HMGCLL1: variants seen among roughly 807,000 people sequenced by gnomAD.
HMGCLL1 encodes 3-hydroxymethyl-3-methylglutaryl-CoA lyase, cytoplasmic.
Under a neutral mutation model 39.1 loss-of-function variants are expected in HMGCLL1, and 36 were observed. The observed-to-expected ratio is 0.92, with a 90% CI of 0.71 to 1.22. The LOEUF is 1.22. HMGCLL1 is among the 50% of genes most tolerant of loss of function. The pLI is 0.00. For missense variants in HMGCLL1, 451 were observed against 416.5 expected (o/e 1.08, Z -0.72); for synonymous variants, 149 against 144.0 (o/e 1.03, Z -0.25).
rs753957303 is a variant in HMGCLL1, at chr6:55,539,940, AGAAGGAAGGAAGGAAGGAAGGAAGGAAG to A, written c.297+1761_297+1788del. Reference sequence around the variant, plus strand: ...AAAGAAAAGGAGGATGAGGAGGAGGAGAAGGAAGGAAGGAAGGAAGGAAGGAAGGAAGGAAGGAAGGAAGGAAGGAAGG... The same window carrying A: ...AAAGAAAAGGAGGATGAGGAGGAGGAGAAGGAAGGAAGGAAGGAAGGAAGG... On this transcript the variant is annotated intron_variant, in intron 3 of 8. Transcript: ENST00000274901. 9.0e-3 allele frequency among the ~76,000 whole-genome samples: 514 copies of A among 57,092 alleles called. 6 individuals carry two copies. Among genetic ancestry groups the A allele is most frequent in the Non-Finnish European group, 0.015 (419 of 27,622 alleles). 37.5% of individuals were successfully genotyped at this position (57,092 alleles called of 152,430 possible). A position where few individuals can be genotyped will look rare whatever the true frequency, so the allele number is the denominator to read the frequency against.
chr6:55,654,254 T>C, the HMGCLL1 span, among the ~76,000 whole-genome samples: 1 of 151,690 alleles, frequency 6.6e-6, no homozygotes, highest in Non-Finnish European at 1.5e-5. Flanking sequence ...CTGACTGAAT[T>C]TGACTGAATT....
the HMGCLL1 span, among the ~76,000 whole-genome samples, chr6:55,594,559 C>T: frequency 6.6e-6 from 1 of 152,314 alleles, no homozygotes; most frequent in South Asian, 2.1e-4. Flanking sequence ...GGAAAACCAA[C>T]AACAAACCTC....
In HMGCLL1 at chr6:55,579,122, G is replaced by C; in HGVS notation, c.-67C>G. 8.1e-7 allele frequency: 1 copy of C among 1,236,164 alleles called. No individual in the cohort carries two copies. The allele number at this position is 1,236,164 out of a possible 1,614,324, so 76.6% of individuals were successfully genotyped here. A position where few individuals can be genotyped will look rare whatever the true frequency, so the allele number is the denominator to read the frequency against. The stretch of plus-strand genomic sequence containing the variant: ...GAGGAGGATGAGGGGCGGGCACCGC[G>C]CTGGGAAACTGCGCCAGCTCGGGAG... On this transcript the variant is annotated 5_prime_UTR_variant, in exon 1 of 9. Transcript: ENST00000274901.
Position 55,579,034 on chromosome 6 carries a change from C to T in HMGCLL1, c.22G>A (p.Val8Met). MGNVPSA[V>M]KHCLSYQQLL... ...TGCTGGTAGCTGAGGCAGTGCTTCA[C>T]CGCGGATGGCACATTCCCCATGGCG... is the stretch of plus-strand genomic sequence containing the variant. Residue 8 changes from valine (V) to methionine (M), a missense_variant, in exon 1 of 9, where the codon GTG becomes ATG. Coordinates refer to ENST00000274901, the MANE Select transcript of HMGCLL1 (RefSeq NM_001042406.2). The T allele has an allele frequency of 6.2e-7, 1 of 1,612,320 alleles. No individual in the cohort carries two copies. Among genetic ancestry groups the T allele is most frequent in the Non-Finnish European group, 8.5e-7 (1 of 1,179,210 alleles).
intron 7 of HMGCLL1, among the ~76,000 whole-genome samples, chr6:55,481,506 T>C (rs904087540): frequency 2.6e-5 from 4 of 151,978 alleles, no homozygotes; most frequent in Non-Finnish European, 5.9e-5. Flanking sequence ...AAATATCTCA[T>C]GTATCCCATA....
the HMGCLL1 span, among the ~76,000 whole-genome samples, chr6:55,638,407 C>A: frequency 7.5e-6 from 1 of 132,768 alleles, no homozygotes. Context: ...AACTCAGTCT[C>A]AAAAAAAAAA....
chr6:55,447,798 T>C (rs761286019), intron 7 of HMGCLL1, among the ~76,000 whole-genome samples: 5 of 152,136 alleles, frequency 3.3e-5, no homozygotes, highest in Admixed American at 6.6e-5. Flanking sequence ...GCAAGTGATA[T>C]GTCCTGCTTC....
At chr6:55,583,082 T>C (rs1346713875), upstream of HMGCLL1, among the ~76,000 whole-genome samples, 1 of 152,186 alleles carries the variant, frequency 6.6e-6, no homozygotes, top group Non-Finnish European at 1.5e-5. Flanking sequence ...TTTCTCTTTA[T>C]ATTTTTAAAG....
chr6:55,553,504 A>C, intron 1 of HMGCLL1, among the ~76,000 whole-genome samples: 1 of 152,016 alleles, frequency 6.6e-6, no homozygotes, highest in East Asian at 1.9e-4. Flanking sequence ...AGAGACAAAC[A>C]ATCTAGCTCT....
chr6:55,452,955 T>C (rs1197748626), intron 7 of HMGCLL1, among the ~76,000 whole-genome samples: 1 of 152,140 alleles, frequency 6.6e-6, no homozygotes, highest in Non-Finnish European at 1.5e-5. Flanking sequence ...TGAGATGGTT[T>C]GTATATTTTG....
intron 5 of HMGCLL1, among the ~76,000 whole-genome samples, chr6:55,505,735 C>A (rs551188142): frequency 6.6e-6 from 1 of 151,754 alleles, no homozygotes; most frequent in South Asian, 2.1e-4. Context: ...TCTTACTTTA[C>A]ATATAGTTTT....
chr6:55,626,785 C>T, the HMGCLL1 span, among the ~76,000 whole-genome samples: 1 of 152,032 alleles, frequency 6.6e-6, no homozygotes, highest in Non-Finnish European at 1.5e-5. Context: ...ACACTTTGGG[C>T]TCCTCCTACC....
intron 7 of HMGCLL1, among the ~76,000 whole-genome samples, chr6:55,454,687 T>C (rs4256438): frequency 0.48 from 73,479 of 151,882 alleles, 17,808 homozygotes; most frequent in East Asian, 0.52. Flanking sequence ...GGACTAAGAA[T>C]GTTTGCAGAC....
chr6:55,569,449 T>C (rs1771365705), intron 1 of HMGCLL1, among the ~76,000 whole-genome samples: 1 of 152,174 alleles, frequency 6.6e-6, no homozygotes, highest in African/African-American at 2.4e-5. Flanking sequence ...AGGTGACTCT[T>C]ATCACAAGAA....
chr6:55,477,345 A>C (rs1264108617), intron 7 of HMGCLL1, among the ~76,000 whole-genome samples: 11 of 31,564 alleles, frequency 3.5e-4, no homozygotes, highest in African/African-American at 1.7e-3. Flanking sequence ...TATATATTAT[A>C]TTTAGATAAT....
At chr6:55,493,746 T>G (rs74734330) in intron 7 of HMGCLL1, among the ~76,000 whole-genome samples, 77,593 of 151,206 alleles carry the variant, frequency 0.51, 20,232 homozygotes, top group African/African-American at 0.62. Context: ...TTTGTTTTTT[T>G]TTTTGAGAAG....
At chr6:55,573,032 T>C (rs779475936) in intron 1 of HMGCLL1, among the ~76,000 whole-genome samples, 1 of 151,950 alleles carries the variant, frequency 6.6e-6, no homozygotes, top group African/African-American at 2.4e-5. Context: ...AAGGCTGGAG[T>C]GGAAATAGTT....
the HMGCLL1 span, among the ~76,000 whole-genome samples, chr6:55,595,290 T>C: frequency 6.6e-6 from 1 of 152,194 alleles, no homozygotes; most frequent in Non-Finnish European, 1.5e-5. Context: ...GAATTTTCAT[T>C]TAGATAAATG....
At chr6:55,493,739 GTTTTTT>G (rs10708618) in intron 7 of HMGCLL1, among the ~76,000 whole-genome samples, 1 of 148,876 alleles carries the variant, frequency 6.7e-6, no homozygotes, top group Non-Finnish European at 1.5e-5. Context: ...TTTTGTTTTT[GTTTTTT>G]TTTTTGAGAA....
Sources: allele counts gnomAD v4.1 joint callset (sites outside exome capture counted in the v4.1 genomes callset), GRCh38; gene constraint gnomAD v4.1.1; transcripts MANE v1.5; gene names NCBI Gene and HGNC (gene_info 2026-07-23, HGNC 2026-07-21).